KCNAB1: variants seen among roughly 807,000 people sequenced by gnomAD.
KCNAB1 encodes the protein voltage-gated potassium channel subunit beta-1.
A neutral mutation model predicts 64.6 loss-of-function variants in KCNAB1; 35 were observed. The observed-to-expected ratio is 0.54, with a 90% CI of 0.41 to 0.72. KCNAB1 has a LOEUF of 0.72. KCNAB1 is among the 30% of genes least tolerant of loss of function. KCNAB1 has a pLI of 0.00. For missense variants in KCNAB1, 401 were observed against 512.9 expected (o/e 0.78, Z 2.11); for synonymous variants, 177 against 183.8 (o/e 0.96, Z 0.30).
At chr3:156,163,854 C>G (rs1283339782) in intron 1 of KCNAB1, among the ~76,000 whole-genome samples, 3 of 152,152 alleles carry the variant, frequency 2.0e-5, no homozygotes, top group Non-Finnish European at 4.4e-5. Flanking sequence ...AATTATAAAT[C>G]AAGTCCAAAT....
intron 1 of KCNAB1, among the ~76,000 whole-genome samples, chr3:156,416,081 T>C (rs1299722544): frequency 6.6e-6 from 1 of 152,176 alleles, no homozygotes; most frequent in East Asian, 1.9e-4. Context: ...CCTGTAGATT[T>C]TACCTACTGG....
rs1318116662 is a variant in KCNAB1 at position 156,272,216 on chromosome 3, A to G, written c.276-149400A>G. On this transcript the variant is annotated intron_variant, in intron 1 of 13. Coordinates refer to ENST00000490337, the MANE Select transcript of KCNAB1 (RefSeq NM_172160.3). ...TGTAATCACTAACTGGCTATTGCCTATGTTTGGTCAAGGGCCTCAGGCTGT... is the reference window on the plus strand; with the variant it reads ...TGTAATCACTAACTGGCTATTGCCTGTGTTTGGTCAAGGGCCTCAGGCTGT... Among the ~76,000 whole-genome samples, 6 of 152,330 alleles carry G rather than the reference A, an allele frequency of 3.9e-5. No homozygotes were observed. The South Asian group carries it at 1.0e-3, about 26-fold the overall frequency.
chr3:156,529,961 A>T (rs1193665463), intron 12 of KCNAB1, among the ~76,000 whole-genome samples: 1 of 152,190 alleles, frequency 6.6e-6, no homozygotes, highest in Non-Finnish European at 1.5e-5. Flanking sequence ...AGTCCACTGT[A>T]ATCACCAGCA....
At chr3:156,145,253 A>C (rs967989232) in intron 1 of KCNAB1, among the ~76,000 whole-genome samples, 1 of 152,230 alleles carries the variant, frequency 6.6e-6, no homozygotes, top group Non-Finnish European at 1.5e-5. Flanking sequence ...TTAATTGATC[A>C]TTAACCCTAA....
chr3:156,474,863 C>A, intron 8 of KCNAB1, 43 bp downstream of exon 8: 3 of 1,386,180 alleles, frequency 2.2e-6, no homozygotes, highest in South Asian at 1.2e-5. Flanking sequence ...AATCTTGATT[C>A]AGTTTGAGGG....
intron 1 of KCNAB1, among the ~76,000 whole-genome samples, chr3:156,353,114 T>C (rs2108088783): frequency 6.6e-6 from 1 of 152,346 alleles, no homozygotes; most frequent in East Asian, 1.9e-4. Flanking sequence ...ATTTGCCAAT[T>C]GTAAAATTAA....
At chr3:156,478,134 T>C (rs1467844167) in intron 8 of KCNAB1, among the ~76,000 whole-genome samples, 3 of 152,150 alleles carry the variant, frequency 2.0e-5, no homozygotes, top group African/African-American at 7.2e-5. Flanking sequence ...GAAAAAATCA[T>C]CACCAGATAG....
chr3:156,372,415 C>A lies in KCNAB1; in HGVS notation c.276-49201C>A, dbSNP rs1726368968. On this transcript the variant is annotated intron_variant, in intron 1 of 13. Transcript: ENST00000490337. ...TAAAACAGTGGTTCTCAAATTTAAG[C>A]CTGCATCAGAATCACCTGGAAGCCT... 4.6e-5 allele frequency among the ~76,000 whole-genome samples: 7 copies of A among 152,338 alleles called. No individual in the cohort carries two copies. In the South Asian group the frequency reaches 1.4e-3, roughly 32 times the overall value.
intron 8 of KCNAB1, among the ~76,000 whole-genome samples, chr3:156,512,565 G>T (rs1717284205): frequency 6.6e-6 from 1 of 152,250 alleles, no homozygotes; most frequent in East Asian, 1.9e-4. Context: ...CACAGGATGT[G>T]AAGGGAAAGG....
intron 8 of KCNAB1, among the ~76,000 whole-genome samples, chr3:156,496,440 A>G (rs1047669546): frequency 2.0e-5 from 3 of 152,110 alleles, no homozygotes; most frequent in Admixed American, 6.6e-5. Flanking sequence ...TTTGCCTGCC[A>G]CCATGTAAGA....
intron 1 of KCNAB1, among the ~76,000 whole-genome samples, chr3:156,283,008 A>G (rs1719845624): frequency 6.7e-6 from 1 of 150,172 alleles, no homozygotes; most frequent in South Asian, 2.1e-4. Flanking sequence ...TCCTGTCATT[A>G]TGATGTTAGC....
intron 2 of KCNAB1, among the ~76,000 whole-genome samples, chr3:156,430,776 C>T (rs184937055): frequency 1.8e-4 from 27 of 152,272 alleles, no homozygotes; most frequent in East Asian, 5.8e-4. Context: ...CCCAAACTTC[C>T]GCTTCCTCCT....
intron 1 of KCNAB1, among the ~76,000 whole-genome samples, chr3:156,158,224 G>A (rs1027072312): frequency 7.0e-6 from 1 of 142,666 alleles, no homozygotes; most frequent in Non-Finnish European, 1.5e-5. Flanking sequence ...ATAAATAAAT[G>A]GGCCAAAAAT....
At chr3:156,518,171 AT>A (rs1717683266) in intron 11 of KCNAB1, among the ~76,000 whole-genome samples, 2 of 152,154 alleles carry the variant, frequency 1.3e-5, no homozygotes, top group Non-Finnish European at 2.9e-5. Context: ...CTTGGGAAAT[AT>A]TTCTATTGGT....
Position 156,508,732 on chromosome 3 carries a change from A to C in KCNAB1, c.659-5632A>C, listed in dbSNP as rs116126183. Reference sequence around the variant, plus strand: ...TCCATATCATTTCTCACTTTACAGAAGGAAATTGAGTACTCAGGGAAACAA... The same window carrying C: ...TCCATATCATTTCTCACTTTACAGACGGAAATTGAGTACTCAGGGAAACAA... On this transcript the variant is annotated intron_variant, in intron 8 of 13. Transcript: ENST00000490337. This position sits in a 1 kb window ranked among gnomAD's most constrained non-coding sequence, Gnocchi z 4.1. 0.015 allele frequency among the ~76,000 whole-genome samples: 2,290 copies of C among 152,302 alleles called. 62 individuals carry two copies. Among genetic ancestry groups the C allele is most frequent in the African/African-American group, 0.052 (2,163 of 41,554 alleles).
At chr3:156,465,800 G>T (rs1435912810) in intron 7 of KCNAB1, 114 bp downstream of exon 7, 9 of 839,846 alleles carry the variant, frequency 1.1e-5, no homozygotes, top group Non-Finnish European at 1.8e-5. Context: ...TATGAAAAGT[G>T]CCACAATCAA....
At chr3:156,269,709 C>T (rs1222483509) in intron 1 of KCNAB1, among the ~76,000 whole-genome samples, 1 of 152,000 alleles carries the variant, frequency 6.6e-6, no homozygotes, top group Admixed American at 6.6e-5. Context: ...GAATTGACTC[C>T]TTTATCATTA....
chr3:156,534,634 T>C (rs1718932379), intron 13 of KCNAB1, among the ~76,000 whole-genome samples: 1 of 152,080 alleles, frequency 6.6e-6, no homozygotes, highest in African/African-American at 2.4e-5. Context: ...CTGACCACTA[T>C]CCCAGCCTAG....
intron 11 of KCNAB1, among the ~76,000 whole-genome samples, chr3:156,519,781 G>C (rs1325273126): frequency 1.3e-5 from 2 of 152,130 alleles, no homozygotes; most frequent in Non-Finnish European, 2.9e-5. Flanking sequence ...GAAAACTGGT[G>C]GTTGCAGGCT....
Sources: allele counts gnomAD v4.1 joint callset (sites outside exome capture counted in the v4.1 genomes callset), GRCh38; gene constraint gnomAD v4.1.1; non-coding constraint Gnocchi (gnomAD v3.1); transcripts MANE v1.5; gene names NCBI Gene and HGNC (gene_info 2026-07-23, HGNC 2026-07-21).